Variants in RPTOR observed in about 807,000 individuals in gnomAD.
The protein encoded by RPTOR is regulatory associated protein of MTOR complex 1.
In RPTOR, 21 loss-of-function variants were observed where a neutral mutation model predicts 169.9. The ratio of observed to expected loss-of-function variants is 0.12; its 90% CI spans 0.09 to 0.18. The LOEUF is 0.18. Among genes scored for constraint, RPTOR ranks in the 10% least tolerant of loss-of-function variants. The pLI, the probability that RPTOR is intolerant of heterozygous loss-of-function variation, is 1.00. For synonymous variants in RPTOR, 732 were observed against 753.2 expected (o/e 0.97, Z 0.46); for missense variants, 1,133 against 1,855.9 (o/e 0.61, Z 7.16).
At chr17:80,663,220 C>G (rs1201128572) in intron 3 of RPTOR, among the ~76,000 whole-genome samples, 1 of 152,172 alleles carries the variant, frequency 6.6e-6, no homozygotes, top group African/African-American at 2.4e-5. Context: ...TCACGCTGCA[C>G]CTGTTTCCAG....
At chr17:80,588,425 TGTTGGGATTACAG>T (rs113355574) in intron 1 of RPTOR, among the ~76,000 whole-genome samples, 8,080 of 152,214 alleles carry the variant, frequency 0.053, 747 homozygotes, top group African/African-American at 0.19. Context: ...AGCCTCCCAG[TGTTGGGATTACAG>T]GAGTGAGCCA....
At chr17:80,840,686 G>A (rs537484056) in intron 10 of RPTOR, among the ~76,000 whole-genome samples, 2 of 99,058 alleles carry the variant, frequency 2.0e-5, no homozygotes, top group Non-Finnish European at 4.1e-5. Flanking sequence ...CCACACGGCA[G>A]CTCACTCTCA....
intron 6 of RPTOR, among the ~76,000 whole-genome samples, chr17:80,764,683 G>A (rs2143386895): frequency 6.6e-6 from 1 of 152,194 alleles, no homozygotes; most frequent in South Asian, 2.1e-4. Context: ...ACCCAGTAAT[G>A]GGATGGCTGG....
intron 9 of RPTOR, among the ~76,000 whole-genome samples, chr17:80,831,967 C>T (rs2067510594): frequency 6.6e-6 from 1 of 152,228 alleles, no homozygotes; most frequent in Admixed American, 6.5e-5. Flanking sequence ...GGCGTAACCA[C>T]ACAGACTTGG....
intron 6 of RPTOR, among the ~76,000 whole-genome samples, chr17:80,782,666 G>A (rs756683112): frequency 6.6e-6 from 1 of 152,074 alleles, no homozygotes; most frequent in African/African-American, 2.4e-5. Flanking sequence ...AATTAGAACC[G>A]AGCAGCCCTG....
chr17:80,917,711 A>G (rs2068690652), intron 21 of RPTOR, among the ~76,000 whole-genome samples: 1 of 152,058 alleles, frequency 6.6e-6, no homozygotes, highest in Non-Finnish European at 1.5e-5. Flanking sequence ...GTCAAATGGC[A>G]TTTCCTTAAC....
chr17:80,775,774 A>T (rs1404050786), intron 6 of RPTOR, among the ~76,000 whole-genome samples: 1 of 152,218 alleles, frequency 6.6e-6, no homozygotes, highest in Non-Finnish European at 1.5e-5. Flanking sequence ...AAAAGGAAGA[A>T]ATGAAAGAAA....
intron 1 of RPTOR, among the ~76,000 whole-genome samples, chr17:80,606,528 T>C (rs929714716): frequency 2.0e-5 from 3 of 152,298 alleles, no homozygotes; most frequent in African/African-American, 7.2e-5. Context: ...TGTGTAGCAA[T>C]TTTTAAAGTG....
rs150793214 is a variant in RPTOR, at chr17:80,964,959, C to A, written c.*629C>A. ...CCCAGGGGTCCGGGCTGTCCTTGGC[C>A]GCTGGCAGCATCACTGAGCAGGAAG... On this transcript the variant is annotated 3_prime_UTR_variant, in exon 34 of 34. Transcript: ENST00000306801. The A allele has an allele frequency of 4.3e-6, 1 of 233,340 alleles. No individual in the cohort carries two copies. The highest frequency in any genetic ancestry group is 8.5e-6 in the Non-Finnish European group (1 of 118,200). The allele number at this position is 233,340 out of a possible 1,614,324, so 14.5% of individuals were successfully genotyped here.
At chr17:80,688,412 A>G (rs900047312) in intron 3 of RPTOR, among the ~76,000 whole-genome samples, 3 of 152,226 alleles carry the variant, frequency 2.0e-5, no homozygotes, top group South Asian at 2.1e-4. Flanking sequence ...CTCTGGATCA[A>G]TAATTAAAAG....
At chr17:80,949,578 A>T (rs774641972) in intron 28 of RPTOR, 31 bp downstream of exon 28, 2 of 1,576,510 alleles carry the variant, frequency 1.3e-6, no homozygotes, top group East Asian at 4.5e-5. Context: ...CCCAGAGCAG[A>T]ATGTGTTCCC....
At chr17:80,738,674 A>G (rs953297675) in intron 5 of RPTOR, among the ~76,000 whole-genome samples, 6 of 152,182 alleles carry the variant, frequency 3.9e-5, no homozygotes, top group African/African-American at 1.4e-4. Context: ...GTTGTCTTGT[A>G]GCCTCTCTTC....
intron 1 of RPTOR, among the ~76,000 whole-genome samples, chr17:80,624,049 C>T (rs1308559407): frequency 6.6e-6 from 1 of 152,126 alleles, no homozygotes; most frequent in African/African-American, 2.4e-5. Flanking sequence ...GCTGGGACCG[C>T]AGGTGTGCAC....
chr17:80,685,222 C>CACATCTGGCATA (rs1168001667), intron 3 of RPTOR, among the ~76,000 whole-genome samples: 1 of 151,594 alleles, frequency 6.6e-6, no homozygotes, highest in Non-Finnish European at 1.5e-5. Context: ...TCAGTGTATG[C>CACATCTGGCATA]CAGTGTGTGC....
intron 1 of RPTOR, among the ~76,000 whole-genome samples, chr17:80,578,447 C>T (rs529978126): frequency 2.6e-5 from 4 of 152,248 alleles, no homozygotes; most frequent in African/African-American, 9.6e-5. Context: ...CCCAACATGG[C>T]CAAACAACAG....
intron 33 of RPTOR, among the ~76,000 whole-genome samples, chr17:80,963,883 G>A (rs1278621708): frequency 2.6e-5 from 4 of 152,028 alleles, no homozygotes; most frequent in African/African-American, 9.7e-5. Context: ...TCTGGCCTTG[G>A]TTGCAGCCTC....
rs79615605 is a variant in RPTOR, at chr17:80,911,642, G to A, written c.2520+2713G>A. Among the ~76,000 whole-genome samples, 1,409 of 152,140 alleles carry A rather than the reference G, an allele frequency of 9.3e-3. 10 individuals are homozygous for A. Among genetic ancestry groups the A allele is most frequent in the African/African-American group, 0.019 (805 of 41,482 alleles). ...TCTACAAAATAGTAGCAAGTTAGCC[G>A]GGCACGGTGGCAAGCACTTGTGGTC... On this transcript the variant is annotated intron_variant, in intron 21 of 33. Transcript: ENST00000306801.
At chr17:80,557,456 T>G (rs11653158) in intron 1 of RPTOR, among the ~76,000 whole-genome samples, 131,908 of 151,638 alleles carry the variant, frequency 0.87, 58,939 homozygotes, top group East Asian at 1. Context: ...GGTGGAGGTT[T>G]CAGTGAGCCA....
chr17:80,634,469 C>T (rs1347595228), intron 2 of RPTOR, among the ~76,000 whole-genome samples: 12 of 58,256 alleles, frequency 2.1e-4, no homozygotes, highest in South Asian at 5.7e-4. Context: ...ATAGTGTGTG[C>T]GTGTGCATAC....
Sources: allele counts gnomAD v4.1 joint callset (sites outside exome capture counted in the v4.1 genomes callset), GRCh38; gene constraint gnomAD v4.1.1; transcripts MANE v1.5; gene names NCBI Gene and HGNC (gene_info 2026-07-23, HGNC 2026-07-21).